TMEM200C: variants seen among roughly 807,000 people sequenced by gnomAD.
TMEM200C encodes transmembrane protein TTMA.
For synonymous variants in TMEM200C, 462 were observed against 324.7 expected (o/e 1.42, Z -4.55); for missense variants, 966 against 699.9 (o/e 1.38, Z -4.29).
In TMEM200C at chr18:5,891,609, A is replaced by C. The variant is rs199857320; in HGVS notation, c.455T>G (p.Phe152Cys). 3 of 1,613,790 alleles carry C rather than the reference A, an allele frequency of 1.9e-6. No homozygotes were observed. Among genetic ancestry groups the C allele is most frequent in the Non-Finnish European group, 2.5e-6 (3 of 1,179,824 alleles). ...CAGGTAGCCAGAGAAGATGCGGAAGAAGAAGCCCACGGACGTGGAGGAGGA... is the reference window on the plus strand; with the variant it reads ...CAGGTAGCCAGAGAAGATGCGGAAGCAGAAGCCCACGGACGTGGAGGAGGA... The change falls in exon 3 of 3, where the codon TTC becomes TGC. Residue 152 changes from phenylalanine (F) to cysteine (C), a missense_variant. Coordinates refer to ENST00000581347, the Ensembl canonical transcript of TMEM200C. The surrounding 1 kb of genome is among the most constrained non-coding windows in gnomAD (Gnocchi z 4.7).
chr18:5,891,637 A>T lies in TMEM200C; in HGVS notation c.427T>A (p.Ser143Thr), dbSNP rs761861153. 3 of 1,613,626 alleles carry T rather than the reference A, an allele frequency of 1.9e-6. No homozygotes were observed. Among genetic ancestry groups the T allele is most frequent in the Non-Finnish European group, 2.5e-6 (3 of 1,179,768 alleles). ...AAGCCCACGGACGTGGAGGAGGAGGACGGGGAGGCGGCTCGTGCTGGAGGC... is the reference window on the plus strand; with the variant it reads ...AAGCCCACGGACGTGGAGGAGGAGGTCGGGGAGGCGGCTCGTGCTGGAGGC... Residue 143 changes from serine (S) to threonine (T), a missense_variant, in exon 3 of 3, where the codon TCC (serine) becomes ACC (threonine). Ser to Thr is a moderately conservative substitution (Grantham distance 58, BLOSUM62 1). Transcript: ENST00000581347. The surrounding 1 kb of genome is among the most constrained non-coding windows in gnomAD (Gnocchi z 4.7).
chr18:5,885,413 A>G (rs898877996), exon 3 of TMEM200C: 8 of 152,218 alleles, frequency 5.3e-5, no homozygotes, highest in Non-Finnish European at 2.9e-5. Flanking sequence ...GCCCATGTCC[A>G]TGTCATAGCT....
Position 5,891,622 on chromosome 18 carries a change from A to C in TMEM200C, c.442T>G (p.Ser148Ala), listed in dbSNP as rs1191272384. The change falls in exon 3 of 3, where the codon TCC becomes GCC. Residue 148 changes from serine to alanine, a missense_variant. Physicochemically the swap from Ser to Ala is moderately conservative, Grantham distance 99. Coordinates refer to ENST00000581347, the Ensembl canonical transcript of TMEM200C. This position sits in a 1 kb window ranked among gnomAD's most constrained non-coding sequence, Gnocchi z 4.7. ...AAGATGCGGAAGAAGAAGCCCACGGACGTGGAGGAGGAGGACGGGGAGGCG... is the reference window on the plus strand; with the variant it reads ...AAGATGCGGAAGAAGAAGCCCACGGCCGTGGAGGAGGAGGACGGGGAGGCG... The C allele has an allele frequency of 1.2e-6, 2 of 1,613,622 alleles. No homozygotes were observed. The highest frequency in any genetic ancestry group is 2.7e-5 in the African/African-American group (2 of 74,890).
chr18:5,895,566 C>G (rs2095175342), intron 1 of TMEM200C, 44 bp from the exon 1 acceptor site: 1 of 142,428 alleles, frequency 7.0e-6, no homozygotes, highest in African/African-American at 2.6e-5. Context: ...GGGGGCGCCC[C>G]CGCCCCCGCC....
chr18:5,886,795 C>G (rs1567885280), exon 3 of TMEM200C: 2 of 152,082 alleles, frequency 1.3e-5, no homozygotes, highest in African/African-American at 4.8e-5. Flanking sequence ...ATATAACCCC[C>G]TAAGTCACAC....
chr18:5,890,061 T>A lies in TMEM200C; in HGVS notation c.*137A>T, dbSNP rs1020651146. 9.8e-6 allele frequency: 8 copies of A among 817,824 alleles called. No individual in the cohort carries two copies. In the South Asian group the frequency reaches 2.6e-4, roughly 26 times the overall value. 50.7% of individuals were successfully genotyped at this position (817,824 alleles called of 1,614,324 possible). A position where few individuals can be genotyped will look rare whatever the true frequency, so the allele number is the denominator to read the frequency against. ...GAATCTTGTGGACGCAATTCAAGGA[T>A]AACATTCTGCAGCTCTTTGGATATT... On this transcript the variant is annotated 3_prime_UTR_variant, in exon 3 of 3. Coordinates refer to ENST00000581347, the Ensembl canonical transcript of TMEM200C.
exon 3 of TMEM200C, chr18:5,884,493 T>C (rs1182123047): frequency 6.6e-6 from 1 of 152,148 alleles, no homozygotes; most frequent in Non-Finnish European, 1.5e-5. Context: ...TGGTCAGAAA[T>C]TGTGTCTTTC....
Position 5,891,901 on chromosome 18 carries a change from T to C in TMEM200C, c.163A>G (p.Ile55Val), listed in dbSNP as rs745737158. 1 of 1,613,294 alleles carries C rather than the reference T, an allele frequency of 6.2e-7. No homozygotes were observed. Among genetic ancestry groups the C allele is most frequent in the South Asian group, 1.1e-5 (1 of 91,086 alleles). The change falls in exon 3 of 3, where the codon ATC becomes GTC. Residue 55 changes from isoleucine (I) to valine (V), a missense_variant. Ile to Val is a conservative substitution (Grantham distance 29). Transcript: ENST00000581347. The surrounding 1 kb of genome is among the most constrained non-coding windows in gnomAD (Gnocchi z 4.7). ...AGCACCAGGATCCCACAGAGGGCGA[T>C]GAGCCCTGAGATGGAGCACAGCTTC...
chr18:5,887,596 C>A (rs143236863), exon 3 of TMEM200C: 387 of 152,300 alleles, frequency 2.5e-3, no homozygotes, highest in South Asian at 0.011. Flanking sequence ...GACAACAATT[C>A]CATCTTTCTG....
chr18:5,890,628 C>G (rs1295249834), exon 3 of TMEM200C: 11 of 922,562 alleles, frequency 1.2e-5, no homozygotes, highest in Middle Eastern at 7.5e-4. Flanking sequence ...CGGCGGCGCC[C>G]GGTAGTCCGG....
exon 3 of TMEM200C, chr18:5,890,784 C>A (rs1027304818): frequency 7.7e-6 from 5 of 649,384 alleles, no homozygotes; most frequent in Non-Finnish European, 1.4e-5. Context: ...GCCCTCTGCG[C>A]CGCGGAGGTT....
rs753396480 is a variant in TMEM200C at position 5,891,374 on chromosome 18, G to GGCGGCGGCGGCCGCGGCGGCGGCC, written c.666_689dup (p.Ala223_Ala230dup). The GGCGGCGGCGGCCGCGGCGGCGGCC allele has an allele frequency of 3.0e-6, 4 of 1,329,300 alleles. No homozygotes were observed. Among genetic ancestry groups the GGCGGCGGCGGCCGCGGCGGCGGCC allele is most frequent in the South Asian group, 2.3e-5 (1 of 44,062 alleles). 82.3% of individuals were successfully genotyped at this position (1,329,300 alleles called of 1,614,324 possible). On this transcript the variant is annotated inframe_insertion, in exon 3 of 3. Transcript: ENST00000581347. The surrounding 1 kb of genome is among the most constrained non-coding windows in gnomAD (Gnocchi z 4.7). ...CGGCGGGGGCAGACGACGACGAAGA[G>GGCGGCGGCGGCCGCGGCGGCGGCC]GCGGCGGCGGCCGCGGCGGCGGCCG...
chr18:5,884,332 C>A (rs769605392), exon 3 of TMEM200C: 3 of 152,110 alleles, frequency 2.0e-5, no homozygotes, highest in Non-Finnish European at 4.4e-5. Flanking sequence ...GCCAACACAC[C>A]TTTCCCAGCT....
exon 3 of TMEM200C, chr18:5,890,616 G>T: frequency 1.8e-5 from 19 of 1,047,878 alleles, no homozygotes; most frequent in South Asian, 3.5e-5. Flanking sequence ...GGGCTCGGGG[G>T]ACGGCGGCGC....
At position 5,891,376 on chromosome 18, in the gene TMEM200C, CGGCGGCGGCCGCGG is replaced by C; in HGVS notation, c.674_687del (p.Ala225GlyfsTer119). 7.6e-7 allele frequency: 1 copy of C among 1,311,248 alleles called. No individual in the cohort carries two copies. The highest frequency in any genetic ancestry group is 9.6e-7 in the Non-Finnish European group (1 of 1,036,338). The allele number at this position is 1,311,248 out of a possible 1,614,324, so 81.2% of individuals were successfully genotyped here. A position where few individuals can be genotyped will look rare whatever the true frequency, so the allele number is the denominator to read the frequency against. On this transcript the variant is annotated frameshift_variant, in exon 3 of 3. Transcript: ENST00000581347. LOFTEE classifies it low-confidence loss of function (END_TRUNC). The surrounding 1 kb of genome is among the most constrained non-coding windows in gnomAD (Gnocchi z 4.7). ...GCGGGGGCAGACGACGACGAAGAGG[CGGCGGCGGCCGCGG>C]CGGCGGCCGCGGCGGCCGCCAGGTC...
At chr18:5,894,018 G>A (rs2095173658) in intron 2 of TMEM200C, among the ~76,000 whole-genome samples, 1 of 152,338 alleles carries the variant, frequency 6.6e-6, no homozygotes, top group Non-Finnish European at 1.5e-5. Context: ...TTGGAGTCCA[G>A]CATCTTAAAT....
chr18:5,887,074 A>G (rs771938337), exon 3 of TMEM200C: 1 of 152,210 alleles, frequency 6.6e-6, no homozygotes, highest in Non-Finnish European at 1.5e-5. Context: ...AGACACAGAG[A>G]GACTATGTAA....
chr18:5,889,996 T>G (rs2095168375), exon 3 of TMEM200C: 1 of 394,856 alleles, frequency 2.5e-6, no homozygotes, highest in Non-Finnish European at 4.4e-6. Context: ...ATAAAAAGAC[T>G]AGTTTGCTTA....
chr18:5,892,691 G>C (rs933943049), intron 2 of TMEM200C, among the ~76,000 whole-genome samples: 4 of 152,226 alleles, frequency 2.6e-5, no homozygotes, highest in Non-Finnish European at 4.4e-5. Flanking sequence ...AGTTACTACT[G>C]TATAAAGACA....
Sources: allele counts gnomAD v4.1 joint callset (sites outside exome capture counted in the v4.1 genomes callset), GRCh38; gene constraint gnomAD v4.1.1; non-coding constraint Gnocchi (gnomAD v3.1); transcripts MANE v1.5; gene names NCBI Gene and HGNC (gene_info 2026-07-23, HGNC 2026-07-21).